The following CYFIP1 variants were observed in gnomAD, a reference collection of about 807,000 sequenced individuals.
CYFIP1 encodes the protein cytoplasmic FMR1 interacting protein 1.
A neutral mutation model predicts 163.5 loss-of-function variants in CYFIP1; 58 were observed. That is an observed-to-expected ratio of 0.35 (90% CI 0.29 to 0.44). The LOEUF (loss-of-function observed/expected upper bound fraction) is 0.44, where lower values mean the gene tolerates loss of function less well. Among genes scored for constraint, CYFIP1 ranks in the 20% least tolerant of loss-of-function variants. The probability of loss-of-function intolerance (pLI) is 1.00; values close to 1 mark genes in which losing one functional copy is unlikely to be tolerated. For missense variants in CYFIP1, 1,338 were observed against 1,653.8 expected, an observed-to-expected ratio of 0.81 and a Z score of 3.31; for synonymous variants, 663 against 660.7, an observed-to-expected ratio of 1.00 and a Z score of -0.05.
chr15:22,945,132 C>G (rs377578911), intron 3 of CYFIP1, among the ~76,000 whole-genome samples, 193 bp from the exon 4 acceptor site: 5 of 152,152 alleles, frequency 3.3e-5, no homozygotes, highest in East Asian at 3.9e-4. Flanking sequence ...CCAAAACACC[C>G]CATGGCTTCT....
intron 6 of CYFIP1, 36 bp from the exon 7 acceptor site, chr15:22,939,543 C>A (rs1156649990): frequency 4.4e-6 from 4 of 915,226 alleles, no homozygotes; most frequent in Non-Finnish European, 6.6e-6. Flanking sequence ...CAAAATGCAC[C>A]AACGTGCCAC....
At chr15:22,873,907 G>A (rs1466838897) in intron 28 of CYFIP1, among the ~76,000 whole-genome samples, 178 bp from the exon 29 acceptor site, 2 of 152,198 alleles carry the variant, frequency 1.3e-5, no homozygotes, top group Non-Finnish European at 2.9e-5. Flanking sequence ...CCAGGTGCAT[G>A]CCACCACACC....
intron 1 of CYFIP1, chr15:22,951,388 T>G (rs1406621741): frequency 7.8e-7 from 1 of 1,277,736 alleles, no homozygotes; most frequent in Non-Finnish European, 1.0e-6. Flanking sequence ...CCCGGCCGGG[T>G]GGGTGCAGGG....
chr15:22,957,528 A>C (rs112663017), intron 1 of CYFIP1, among the ~76,000 whole-genome samples: 42,591 of 151,948 alleles, frequency 0.28, 6,040 homozygotes, highest in South Asian at 0.33. Flanking sequence ...GCCAGCTACT[A>C]GGGAGGCTGA....
chr15:22,926,101 AG>A lies in CYFIP1; in HGVS notation c.1239del (p.Trp414GlyfsTer38). ...QWSAHVMEVY[S>X]WKLVHPTDKY... ...TTGTCGGTGGGGTGCACAAGCTTCC[AG>A]GAATACTGTGGTGGCCGAAAGAGCA... On this transcript the variant is annotated frameshift_variant, in exon 13 of 31. Coordinates refer to ENST00000617928, the MANE Select transcript of CYFIP1 (RefSeq NM_014608.6). LOFTEE classifies it high-confidence loss of function. 1 of 1,614,170 alleles carries A rather than the reference AG, an allele frequency of 6.2e-7. No individual in the cohort carries two copies. The highest frequency in any genetic ancestry group is 8.5e-7 in the Non-Finnish European group (1 of 1,180,002).
chr15:22,895,181 AC>A (rs1438194385), intron 22 of CYFIP1, among the ~76,000 whole-genome samples: 1 of 152,074 alleles, frequency 6.6e-6, no homozygotes, highest in African/African-American at 2.4e-5. Context: ...AGCCCAGCTA[AC>A]TTTTTGTATT....
chr15:22,903,063 T>A (rs1281549285), intron 22 of CYFIP1, among the ~76,000 whole-genome samples: 1 of 152,178 alleles, frequency 6.6e-6, no homozygotes, highest in Non-Finnish European at 1.5e-5. Flanking sequence ...CCTGCACTCC[T>A]CTACGTCTGG....
At chr15:22,961,554 AT>A (rs1276333890) in intron 1 of CYFIP1, among the ~76,000 whole-genome samples, 4 of 151,522 alleles carry the variant, frequency 2.6e-5, no homozygotes, top group Admixed American at 2.0e-4. Flanking sequence ...AATTTTTTTG[AT>A]TTTTTGTAGA....
chr15:22,889,611 C>T (rs1239935920), intron 23 of CYFIP1, among the ~76,000 whole-genome samples: 5 of 152,300 alleles, frequency 3.3e-5, no homozygotes, highest in South Asian at 2.1e-4. Context: ...CACGGCCCCA[C>T]GCAGTCGGGT....
In CYFIP1 at chr15:22,881,802, C is replaced by T. The variant is rs149272907; in HGVS notation, c.2911+44G>A. 5,976 of 1,573,288 alleles carry T rather than the reference C, an allele frequency of 3.8e-3. 44 individuals carry two copies. Among genetic ancestry groups the T allele is most frequent in the Non-Finnish European group, 3.7e-3 (4,286 of 1,154,166 alleles). ...ATTTCTGACTTGAATTCCTTTCTGA[C>T]CTCTCCACAGACAGCACTGTGAGCT... On this transcript the variant is annotated intron_variant, in intron 25 of 30. Transcript: ENST00000617928.
Position 22,870,014 on chromosome 15 carries a change from T to C in CYFIP1, c.*14A>G, listed in dbSNP as rs1414595501. ...AGGCATGCCATGTTGAGTTACGGAG[T>C]GCAGCGCGTGCCCTCAGCTGCTGGC... On this transcript the variant is annotated 3_prime_UTR_variant, in exon 31 of 31. Transcript: ENST00000617928. 1 of 1,580,258 alleles carries C rather than the reference T, an allele frequency of 6.3e-7. No homozygotes were observed. Among genetic ancestry groups the C allele is most frequent in the Non-Finnish European group, 8.6e-7 (1 of 1,168,140 alleles).
In CYFIP1 at chr15:22,942,433, G is replaced by A. The variant is rs59633207; in HGVS notation, c.569+740C>T. On this transcript the variant is annotated intron_variant, in intron 6 of 30. Transcript: ENST00000617928. ...CAGAGCAAGAGCATCAGGAGACAGC[G>A]TGCCAAGTGTCACCAAACGCCGGTC... is the stretch of plus-strand genomic sequence containing the variant. Among the ~76,000 whole-genome samples, 783 of 152,232 alleles carry A rather than the reference G, an allele frequency of 5.1e-3. 10 individuals carry two copies. The highest frequency in any genetic ancestry group is 0.018 in the African/African-American group (728 of 41,534).
Position 22,956,028 on chromosome 15 carries a change from G to A in CYFIP1, c.-6-8737C>T, listed in dbSNP as rs139268133. ...TTGAGACCAGCCTGGCTAACATGGC[G>A]AAATACTTCCTCTACTAAAAATACA... On this transcript the variant is annotated intron_variant, in intron 1 of 30. Transcript: ENST00000617928. Among the ~76,000 whole-genome samples the A allele has an allele frequency of 3.1e-3, 468 of 152,178 alleles. 10 individuals carry two copies. The East Asian group carries it at 0.061, about 20-fold the overall frequency.
intron 1 of CYFIP1, among the ~76,000 whole-genome samples, chr15:22,976,261 G>A (rs1056008519): frequency 2.0e-5 from 3 of 152,004 alleles, no homozygotes; most frequent in Non-Finnish European, 2.9e-5. Context: ...GGGTTCAGGC[G>A]ATTCTCCTGC....
At chr15:22,972,331 G>A (rs954263569) in intron 1 of CYFIP1, among the ~76,000 whole-genome samples, 1 of 152,172 alleles carries the variant, frequency 6.6e-6, no homozygotes, top group Non-Finnish European at 1.5e-5. Context: ...CAGCTACTCA[G>A]GAGGCTGAGG....
chr15:22,912,339 C>T (rs765302582), intron 17 of CYFIP1, 64 bp from the exon 18 acceptor site: 21 of 1,259,256 alleles, frequency 1.7e-5, no homozygotes, highest in Admixed American at 2.3e-5. Flanking sequence ...CCGACAGCCT[C>T]GCCCCACCTC....
At chr15:22,951,622 G>C (rs2062252283) in intron 1 of CYFIP1, 1 of 1,185,204 alleles carries the variant, frequency 8.4e-7, no homozygotes, top group Non-Finnish European at 1.1e-6. Context: ...GGCGTGTCCA[G>C]TCATGCCCGG....
intron 23 of CYFIP1, among the ~76,000 whole-genome samples, chr15:22,887,608 C>A (rs1489248926): frequency 6.6e-6 from 1 of 152,160 alleles, no homozygotes; most frequent in Non-Finnish European, 1.5e-5. Flanking sequence ...AACACATGGT[C>A]CCAGGCCTCT....
intron 6 of CYFIP1, among the ~76,000 whole-genome samples, chr15:22,942,836 G>A (rs1467423047): frequency 1.3e-5 from 2 of 152,228 alleles, no homozygotes; most frequent in East Asian, 3.8e-4. Context: ...TTGCCAAGAT[G>A]CTCCCTGAGC....
Sources: allele counts gnomAD v4.1 joint callset (sites outside exome capture counted in the v4.1 genomes callset), GRCh38; gene constraint gnomAD v4.1.1; transcripts MANE v1.5; gene names NCBI Gene and HGNC (gene_info 2026-07-23, HGNC 2026-07-21).